Variants in GRAMD1B observed in about 807,000 individuals in gnomAD.
The protein encoded by GRAMD1B is GRAM domain containing 1B.
Under a neutral mutation model 99.7 loss-of-function variants are expected in GRAMD1B, and 37 were observed. The observed-to-expected ratio is 0.37, with a 90% CI of 0.29 to 0.49. The LOEUF (loss-of-function observed/expected upper bound fraction) is 0.49. Ranked by LOEUF, GRAMD1B falls within the 20% of genes least tolerant of loss-of-function variation. The pLI is 0.98. For missense variants in GRAMD1B, 888 were observed against 1,009.2 expected, an observed-to-expected ratio of 0.88 and a Z score of 1.63; for synonymous variants, 427 against 387.6, an observed-to-expected ratio of 1.10 and a Z score of -1.19.
At chr11:123,563,752 T>G (rs1248138938) in intron 2 of GRAMD1B, among the ~76,000 whole-genome samples, 1 of 152,142 alleles carries the variant, frequency 6.6e-6, no homozygotes, top group Non-Finnish European at 1.5e-5. Context: ...CAGGCTGGGC[T>G]TTTTCTTTTT....
intron 2 of GRAMD1B, among the ~76,000 whole-genome samples, chr11:123,523,610 C>A (rs1010356138): frequency 6.6e-6 from 1 of 151,842 alleles, no homozygotes; most frequent in Non-Finnish European, 1.5e-5. Flanking sequence ...TAATATAATA[C>A]TTGGAAATCT....
chr11:123,552,724 G>C (rs1472380880), intron 2 of GRAMD1B, among the ~76,000 whole-genome samples: 2 of 152,122 alleles, frequency 1.3e-5, no homozygotes, highest in Admixed American at 6.5e-5. Flanking sequence ...ACTGAATAAA[G>C]TTGCAGGTGT....
intron 2 of GRAMD1B, among the ~76,000 whole-genome samples, chr11:123,537,574 G>A (rs17127450): frequency 0.018 from 2,768 of 152,164 alleles, 76 homozygotes; most frequent in African/African-American, 0.062. Context: ...CTTTTTATGC[G>A]TTTATCTTGC....
At chr11:123,548,325 T>TATAC (rs1555067740) in intron 2 of GRAMD1B, among the ~76,000 whole-genome samples, 133 of 86,866 alleles carry the variant, frequency 1.5e-3, no homozygotes, top group African/African-American at 1.8e-3. Flanking sequence ...TATATATATA[T>TATAC]ACACACACAC....
At chr11:123,491,463 C>T (rs112168661) in intron 2 of GRAMD1B, among the ~76,000 whole-genome samples, 12 of 152,250 alleles carry the variant, frequency 7.9e-5, no homozygotes, top group African/African-American at 2.6e-4. Context: ...GCTCCCTGCC[C>T]CTCCCCTTCC....
In GRAMD1B at chr11:123,481,455, A is replaced by AAACAAC. The variant is rs56216203; in HGVS notation, c.452+580_452+585dup. Among the ~76,000 whole-genome samples, 73 of 151,706 alleles carry AAACAAC rather than the reference A, an allele frequency of 4.8e-4. 1 individual carries two copies. The highest frequency in any genetic ancestry group is 1.4e-3 in the Admixed American group (22 of 15,220). Reference sequence around the variant, plus strand: ...GGCAACAGAGGGAGACTTCGTCTAAAAACAACAACAACAACAACAACAAAC... The same window carrying AAACAAC: ...GGCAACAGAGGGAGACTTCGTCTAAAAACAACAACAACAACAACAACAACAACAAAC... On this transcript the variant is annotated intron_variant, in intron 2 of 19. Coordinates refer to ENST00000635736, the MANE Select transcript of GRAMD1B (RefSeq NM_001387025.1).
chr11:123,567,985 A>G (rs1447911176), intron 2 of GRAMD1B, among the ~76,000 whole-genome samples: 1 of 151,388 alleles, frequency 6.6e-6, no homozygotes, highest in African/African-American at 2.4e-5. Context: ...TGTACCAAGT[A>G]ATTCCTTCCA....
rs1955412277 is a variant in GRAMD1B at position 123,624,946 on chromosome 11, C to G, written c.*2351C>G. 4.6e-5 allele frequency: 7 copies of G among 152,090 alleles called. No homozygotes were observed. Among genetic ancestry groups the G allele is most frequent in the Admixed American group, 4.6e-4 (7 of 15,262 alleles). The allele number at this position is 152,090 out of a possible 1,614,324, so 9.4% of individuals were successfully genotyped here. A position where few individuals can be genotyped will look rare whatever the true frequency, so the allele number is the denominator to read the frequency against. ...GGCAGTACTGAGTATGTCAGAAGAG[C>G]CCTCCTGGTTTTTTAGCGATTTGAA... On this transcript the variant is annotated 3_prime_UTR_variant, in exon 20 of 20. Coordinates refer to ENST00000635736, the MANE Select transcript of GRAMD1B (RefSeq NM_001387025.1).
chr11:123,584,894 G>A (rs113425077), intron 4 of GRAMD1B, among the ~76,000 whole-genome samples: 69 of 152,276 alleles, frequency 4.5e-4, no homozygotes, highest in African/African-American at 1.5e-3. Context: ...ATCCTGGGGC[G>A]CCCTGTGCAG....
At chr11:123,434,251 A>C (rs868773766) in intron 1 of GRAMD1B, among the ~76,000 whole-genome samples, 30 of 150,642 alleles carry the variant, frequency 2.0e-4, no homozygotes, top group Middle Eastern at 3.4e-3. Context: ...AAAAAAAAAA[A>C]AAACCACCAC....
At chr11:123,533,402 ATATTT>A (rs557669657) in intron 2 of GRAMD1B, among the ~76,000 whole-genome samples, 18 of 151,866 alleles carry the variant, frequency 1.2e-4, no homozygotes, top group Non-Finnish European at 1.3e-4. Flanking sequence ...AATTCACTCT[ATATTT>A]TATTTATTTA....
chr11:123,548,823 G>A (rs981725906), intron 2 of GRAMD1B, among the ~76,000 whole-genome samples: 5 of 152,096 alleles, frequency 3.3e-5, no homozygotes, highest in African/African-American at 1.2e-4. Flanking sequence ...TGCCTAGGCT[G>A]GTCTCAAACT....
chr11:123,402,683 C>T (rs1947709416), intron 1 of GRAMD1B, among the ~76,000 whole-genome samples: 1 of 152,172 alleles, frequency 6.6e-6, no homozygotes, highest in African/African-American at 2.4e-5. Context: ...CTCCTCATTG[C>T]CTCCCAAGTG....
chr11:123,591,828 C>T lies in GRAMD1B; in HGVS notation c.685-2254C>T, dbSNP rs1364786947. 1.3e-5 allele frequency among the ~76,000 whole-genome samples: 2 copies of T among 152,126 alleles called. No individual in the cohort carries two copies. The highest frequency in any genetic ancestry group is 2.1e-4 in the South Asian group (1 of 4,826). On this transcript the variant is annotated intron_variant, in intron 4 of 19. Transcript: ENST00000635736. The surrounding 1 kb of genome is among the most constrained non-coding windows in gnomAD (Gnocchi z 4.7). ...GTGGAATAGGCTTGTGTTGGGAAGCCTGGATAAAGGAGTTTCCAGACTGGC... is the reference window on the plus strand; with the variant it reads ...GTGGAATAGGCTTGTGTTGGGAAGCTTGGATAAAGGAGTTTCCAGACTGGC...
At chr11:123,596,315 T>TTTAGAGATA (rs1951267669) in intron 7 of GRAMD1B, among the ~76,000 whole-genome samples, 1 of 150,930 alleles carries the variant, frequency 6.6e-6, no homozygotes, top group Non-Finnish European at 1.5e-5. Context: ...TAAGCCTAAG[T>TTTAGAGATA]TTTTCACCTG....
intron 4 of GRAMD1B, among the ~76,000 whole-genome samples, chr11:123,589,950 T>C (rs1394155392): frequency 1.3e-5 from 2 of 151,924 alleles, no homozygotes; most frequent in Non-Finnish European, 2.9e-5. Flanking sequence ...GTTTTAAGGG[T>C]CTGACTTTTC....
In GRAMD1B at chr11:123,623,726, A is replaced by G. The variant is rs929914050; in HGVS notation, c.*1131A>G. On this transcript the variant is annotated 3_prime_UTR_variant, in exon 20 of 20. Coordinates refer to ENST00000635736, the MANE Select transcript of GRAMD1B (RefSeq NM_001387025.1). ...GACGACTGTCTGAGACAGTTTGCAC[A>G]TAGAAAAAGCATCTGAGCCACTGGA... 2.0e-5 allele frequency: 3 copies of G among 152,260 alleles called. No individual in the cohort carries two copies. Among genetic ancestry groups the G allele is most frequent in the African/African-American group, 7.2e-5 (3 of 41,478 alleles). 9.4% of individuals were successfully genotyped at this position (152,260 alleles called of 1,614,324 possible). A position where few individuals can be genotyped will look rare whatever the true frequency, so the allele number is the denominator to read the frequency against.
chr11:123,483,220 G>A (rs1951705190), intron 2 of GRAMD1B, among the ~76,000 whole-genome samples: 1 of 152,124 alleles, frequency 6.6e-6, no homozygotes, highest in Non-Finnish European at 1.5e-5. Context: ...TCTGAGAACT[G>A]AGAACGAAGT....
At chr11:123,598,174 G>A (rs1592205038) in intron 7 of GRAMD1B, 1 of 1,516,238 alleles carries the variant, frequency 6.6e-7, no homozygotes, top group African/African-American at 1.4e-5. Context: ...ATGCCATTCA[G>A]CAAAGTGCCG....
Sources: gnomAD v4.1 joint callset for allele counts (sites outside exome capture counted in the v4.1 genomes callset) on GRCh38, gnomAD v4.1.1 for gene constraint, Gnocchi (gnomAD v3.1) non-coding constraint, MANE v1.5 for transcripts, NCBI Gene and HGNC (gene_info 2026-07-23, HGNC 2026-07-21) for gene names.